CSMD3: variants seen among roughly 807,000 people sequenced by gnomAD.
CSMD3 encodes CUB and sushi domain-containing protein 3.
Under a neutral mutation model 435.2 loss-of-function variants are expected in CSMD3, and 177 were observed. The ratio of observed to expected loss-of-function variants is 0.41; its 90% CI spans 0.36 to 0.46. CSMD3 has a LOEUF of 0.46. Among genes scored for constraint, CSMD3 ranks in the 20% least tolerant of loss-of-function variants. The pLI, the probability that CSMD3 is intolerant of heterozygous loss-of-function variation, is 0.34. For synonymous variants in CSMD3, 1,656 were observed against 1,520.5 expected (o/e 1.09, Z -2.07); for missense variants, 4,265 against 4,504.6 (o/e 0.95, Z 1.52).
At chr8:112,461,547 T>C (rs1243954165) in intron 32 of CSMD3, among the ~76,000 whole-genome samples, 1 of 152,156 alleles carries the variant, frequency 6.6e-6, no homozygotes, top group Non-Finnish European at 1.5e-5. Context: ...TTCAGGCTCA[T>C]TCAAGGAATT....
chr8:113,229,225 T>C (rs1045002677), intron 3 of CSMD3, among the ~76,000 whole-genome samples: 1 of 151,686 alleles, frequency 6.6e-6, no homozygotes, highest in African/African-American at 2.4e-5. Context: ...TGTAAAATTA[T>C]GTGGTGCTGT....
intron 20 of CSMD3, among the ~76,000 whole-genome samples, chr8:112,639,610 T>C (rs1246796884): frequency 2.0e-5 from 3 of 152,198 alleles, no homozygotes; most frequent in Admixed American, 2.0e-4. Context: ...ACCACTCACT[T>C]AACTTCTAAT....
intron 1 of CSMD3, among the ~76,000 whole-genome samples, chr8:113,409,599 CAGAT>C (rs2094548967): frequency 6.6e-6 from 1 of 152,136 alleles, no homozygotes; most frequent in Non-Finnish European, 1.5e-5. Flanking sequence ...AATGATTAAA[CAGAT>C]AGCGGCATTT....
At chr8:112,919,084 G>A (rs4311681) in intron 10 of CSMD3, among the ~76,000 whole-genome samples, 39,862 of 151,682 alleles carry the variant, frequency 0.26, 5,491 homozygotes, top group East Asian at 0.41. Context: ...ATACACATAC[G>A]TGCCTTGCAT....
At chr8:112,496,680 A>G (rs1821380192) in intron 30 of CSMD3, among the ~76,000 whole-genome samples, 1 of 152,208 alleles carries the variant, frequency 6.6e-6, no homozygotes, top group South Asian at 2.1e-4. Context: ...CCTAAGTAAA[A>G]TAAGTCAGGC....
intron 22 of CSMD3, 130 bp downstream of exon 22, chr8:112,636,687 A>C (rs778174645): frequency 2.8e-4 from 233 of 817,680 alleles, no homozygotes; most frequent in Non-Finnish European, 4.3e-4. Flanking sequence ...CCAAATAGAA[A>C]AAAAGTTGAA....
chr8:112,777,891 T>C (rs1037767424), intron 13 of CSMD3, among the ~76,000 whole-genome samples: 3 of 151,768 alleles, frequency 2.0e-5, no homozygotes, highest in African/African-American at 7.3e-5. Context: ...AACATTGCCA[T>C]GGAAATTGAG....
At chr8:112,828,969 G>A (rs1394385406) in intron 12 of CSMD3, among the ~76,000 whole-genome samples, 1 of 151,394 alleles carries the variant, frequency 6.6e-6, no homozygotes, top group Non-Finnish European at 1.5e-5. Flanking sequence ...ACAGGATTCT[G>A]GAATAATAGT....
intron 5 of CSMD3, among the ~76,000 whole-genome samples, chr8:113,088,693 C>A (rs1428918455): frequency 7.9e-6 from 1 of 126,266 alleles, no homozygotes; most frequent in South Asian, 2.6e-4. Flanking sequence ...GGGAACATCA[C>A]ACTCTGGGGA....
chr8:112,302,875 C>T (rs1356175897), intron 52 of CSMD3, among the ~76,000 whole-genome samples: 3 of 150,718 alleles, frequency 2.0e-5, no homozygotes, highest in Non-Finnish European at 4.4e-5. Flanking sequence ...ATTATTAATT[C>T]TAATATTTAT....
intron 13 of CSMD3, among the ~76,000 whole-genome samples, chr8:112,771,486 C>T (rs758930291): frequency 2.0e-5 from 3 of 151,904 alleles, no homozygotes; most frequent in Non-Finnish European, 4.4e-5. Flanking sequence ...TTGCAGTGAG[C>T]CAAGATCGTG....
intron 1 of CSMD3, among the ~76,000 whole-genome samples, chr8:113,336,196 T>C (rs1284482843): frequency 3.9e-5 from 6 of 152,134 alleles, no homozygotes; most frequent in Non-Finnish European, 7.4e-5. Context: ...TCTATTTGGC[T>C]GTTGATCCCA....
At chr8:113,418,774 A>T (rs888085214) in intron 1 of CSMD3, among the ~76,000 whole-genome samples, 1 of 152,232 alleles carries the variant, frequency 6.6e-6, no homozygotes, top group African/African-American at 2.4e-5. Context: ...TTATTAGCAG[A>T]TTTAGACTTG....
chr8:112,349,851 C>T (rs1160254014), intron 40 of CSMD3, among the ~76,000 whole-genome samples: 8 of 152,184 alleles, frequency 5.3e-5, no homozygotes, highest in Admixed American at 2.6e-4. Context: ...GTGCATTTTA[C>T]GCAGATGTTG....
At chr8:113,122,161 G>A (rs1455565127) in intron 4 of CSMD3, among the ~76,000 whole-genome samples, 1 of 152,016 alleles carries the variant, frequency 6.6e-6, no homozygotes. Flanking sequence ...CACATACATT[G>A]GATTTAGTAG....
Position 113,151,418 on chromosome 8 carries a change from T to C in CSMD3, c.709+22304A>G, listed in dbSNP as rs889227146. 4.6e-5 allele frequency among the ~76,000 whole-genome samples: 7 copies of C among 151,796 alleles called. No homozygotes were observed. The South Asian group carries it at 6.2e-4, about 14-fold the overall frequency. ...ACATTTTAAGACAAAACACCAGAAA[T>C]ATACAAATAATATGCACAGCACTGT... On this transcript the variant is annotated intron_variant, in intron 4 of 70. Transcript: ENST00000297405.
At chr8:112,717,310 C>T (rs1324837334) in intron 13 of CSMD3, among the ~76,000 whole-genome samples, 6 of 151,806 alleles carry the variant, frequency 4.0e-5, no homozygotes, top group South Asian at 4.1e-4. Flanking sequence ...AACAAACACA[C>T]GACAAAAAGC....
intron 6 of CSMD3, among the ~76,000 whole-genome samples, chr8:113,003,258 A>AATAAATAG (rs1469106874): frequency 1.3e-5 from 2 of 152,040 alleles, no homozygotes; most frequent in East Asian, 1.9e-4. Context: ...AAAATAAATA[A>AATAAATAG]ATAAATAGAT....
At chr8:112,671,567 A>T (rs1255461574) in intron 16 of CSMD3, among the ~76,000 whole-genome samples, 1 of 152,090 alleles carries the variant, frequency 6.6e-6, no homozygotes, top group Non-Finnish European at 1.5e-5. Context: ...AGTCTCAAAT[A>T]GTCTTGCTTG....
Sources: gnomAD v4.1 joint callset for allele counts (sites outside exome capture counted in the v4.1 genomes callset) on GRCh38, gnomAD v4.1.1 for gene constraint, MANE v1.5 for transcripts, NCBI Gene and HGNC (gene_info 2026-07-23, HGNC 2026-07-21) for gene names.